Variants in ASIC2 observed in about 807,000 individuals in gnomAD.
ASIC2 encodes the protein acid sensing ion channel subunit 2.
A neutral mutation model predicts 57.3 loss-of-function variants in ASIC2; 25 were observed. The observed-to-expected ratio is 0.44, with a 90% confidence interval of 0.32 to 0.61. ASIC2 has a LOEUF of 0.61. Among genes scored for constraint, ASIC2 ranks in the 20% least tolerant of loss-of-function variants. The pLI is 0.06. For missense variants in ASIC2, 641 were observed against 738.1 expected, an observed-to-expected ratio of 0.87 and a Z score of 1.52; for synonymous variants, 319 against 307.5, an observed-to-expected ratio of 1.04 and a Z score of -0.39.
chr17:33,532,809 C>T (rs1238723529), intron 1 of ASIC2, among the ~76,000 whole-genome samples: 1 of 152,212 alleles, frequency 6.6e-6, no homozygotes, highest in African/African-American at 2.4e-5. Flanking sequence ...TGCAGAGAAC[C>T]TCTCCTCTTT....
chr17:33,232,358 G>T (rs1180822929), intron 1 of ASIC2, among the ~76,000 whole-genome samples: 1 of 151,980 alleles, frequency 6.6e-6, no homozygotes, highest in Non-Finnish European at 1.5e-5. Flanking sequence ...ATAAATTTCT[G>T]TAGGTAAGAC....
intron 1 of ASIC2, among the ~76,000 whole-genome samples, chr17:33,535,786 TGGA>T (rs1288259123): frequency 6.6e-6 from 1 of 152,104 alleles, no homozygotes; most frequent in African/African-American, 2.4e-5. Flanking sequence ...AAGTCGTGTA[TGGA>T]GGAGGACAGT....
At chr17:33,952,443 C>G (rs1567766997) in intron 1 of ASIC2, among the ~76,000 whole-genome samples, 1 of 152,094 alleles carries the variant, frequency 6.6e-6, no homozygotes, top group Non-Finnish European at 1.5e-5. Flanking sequence ...AAAAATAGGA[C>G]CCCACTTCTT....
At chr17:33,300,480 AT>A (rs1315016615) in intron 1 of ASIC2, among the ~76,000 whole-genome samples, 9 of 152,002 alleles carry the variant, frequency 5.9e-5, no homozygotes, top group Non-Finnish European at 1.0e-4. Flanking sequence ...TTATGATCAG[AT>A]TTTCCCTTAA....
chr17:33,511,445 T>A (rs1402374096), intron 1 of ASIC2, among the ~76,000 whole-genome samples: 3 of 152,120 alleles, frequency 2.0e-5, no homozygotes. Flanking sequence ...TTGCTCCTTT[T>A]CCCTAGTTCT....
intron 1 of ASIC2, among the ~76,000 whole-genome samples, chr17:33,515,732 G>T (rs1914545711): frequency 1.3e-5 from 2 of 152,212 alleles, no homozygotes; most frequent in African/African-American, 4.8e-5. Context: ...CAATCCTGAG[G>T]CTTCAATAGT....
chr17:33,207,804 C>T (rs1021884162), intron 1 of ASIC2, among the ~76,000 whole-genome samples: 2 of 152,318 alleles, frequency 1.3e-5, no homozygotes, highest in East Asian at 1.9e-4. Flanking sequence ...GACTCCATCA[C>T]CCTTCAGGTG....
At chr17:33,356,207 T>A (rs1908367345) in intron 1 of ASIC2, among the ~76,000 whole-genome samples, 1 of 152,166 alleles carries the variant, frequency 6.6e-6, no homozygotes, top group African/African-American at 2.4e-5. Context: ...CCTGGCCTGA[T>A]TATAGAAAGT....
intron 1 of ASIC2, among the ~76,000 whole-genome samples, chr17:33,751,607 G>A (rs760155260): frequency 1.3e-5 from 2 of 152,072 alleles, no homozygotes; most frequent in African/African-American, 2.4e-5. Context: ...TATAAACACG[G>A]ATACGTCTCC....
intron 1 of ASIC2, among the ~76,000 whole-genome samples, chr17:33,976,996 C>G (rs1404625348): frequency 6.6e-6 from 1 of 152,076 alleles, no homozygotes; most frequent in Non-Finnish European, 1.5e-5. Context: ...TCTGGAATGT[C>G]AACAAGGCTT....
intron 1 of ASIC2, among the ~76,000 whole-genome samples, chr17:33,577,414 C>T (rs62057813): frequency 0.04 from 6,155 of 152,198 alleles, 188 homozygotes; most frequent in Non-Finnish European, 0.058. Context: ...AGAGGAGCGG[C>T]GAGCAGGGCA....
intron 1 of ASIC2, among the ~76,000 whole-genome samples, chr17:33,383,698 C>G (rs538675707): frequency 6.6e-6 from 1 of 152,216 alleles, no homozygotes; most frequent in Non-Finnish European, 1.5e-5. Flanking sequence ...TTCAATGTTT[C>G]TTTCAATGAC....
At chr17:33,306,423 A>C (rs571625270) in intron 1 of ASIC2, among the ~76,000 whole-genome samples, 1 of 152,220 alleles carries the variant, frequency 6.6e-6, no homozygotes, top group African/African-American at 2.4e-5. Context: ...TGCTTTGTGG[A>C]GTATTGACAA....
intron 1 of ASIC2, among the ~76,000 whole-genome samples, chr17:33,146,622 T>C (rs554796922): frequency 6.6e-6 from 1 of 152,352 alleles, no homozygotes; most frequent in Non-Finnish European, 1.5e-5. Context: ...AAGAGCATCC[T>C]GTGGAGATCA....
chr17:33,121,623 A>G (rs989726966), intron 1 of ASIC2, among the ~76,000 whole-genome samples: 2 of 152,128 alleles, frequency 1.3e-5, no homozygotes, highest in Non-Finnish European at 2.9e-5. Context: ...AGCCCTGCCT[A>G]TCTGCTCATC....
At position 33,760,646 on chromosome 17, in the gene ASIC2, T is replaced by C. The variant is rs141811075; in HGVS notation, c.555+395332A>G. Reference sequence around the variant, plus strand: ...ACATACACACATACACAAATATGTATGGGTATGTGGGTGTGTGTGTATATA... The same window carrying C: ...ACATACACACATACACAAATATGTACGGGTATGTGGGTGTGTGTGTATATA... On this transcript the variant is annotated intron_variant, in intron 1 of 9. Transcript: ENST00000359872. Among the ~76,000 whole-genome samples the C allele has an allele frequency of 4.3e-3, 651 of 152,130 alleles. 3 individuals carry two copies. Among genetic ancestry groups the C allele is most frequent in the Non-Finnish European group, 7.4e-3 (504 of 68,002 alleles).
At chr17:33,307,928 G>A (rs1567818101) in intron 1 of ASIC2, among the ~76,000 whole-genome samples, 1 of 152,176 alleles carries the variant, frequency 6.6e-6, no homozygotes, top group Non-Finnish European at 1.5e-5. Context: ...CCAATCTCTT[G>A]CCAGTGCACT....
At chr17:33,232,637 G>A (rs969411909) in intron 1 of ASIC2, among the ~76,000 whole-genome samples, 1 of 152,140 alleles carries the variant, frequency 6.6e-6, no homozygotes, top group Non-Finnish European at 1.5e-5. Flanking sequence ...TTCCCTTGTT[G>A]AGTTTATGTA....
chr17:33,680,159 A>G (rs576165782), intron 1 of ASIC2, among the ~76,000 whole-genome samples: 4 of 151,850 alleles, frequency 2.6e-5, no homozygotes, highest in African/African-American at 9.7e-5. Context: ...AAGATTGGGA[A>G]CCCCTATTCT....
Sources: allele counts gnomAD v4.1 joint callset (sites outside exome capture counted in the v4.1 genomes callset), GRCh38; gene constraint gnomAD v4.1.1; transcripts MANE v1.5; gene names NCBI Gene and HGNC (gene_info 2026-07-23, HGNC 2026-07-21).